SEC31B: variants seen among roughly 807,000 people sequenced by gnomAD.
SEC31B encodes the protein SEC31 homolog B, COPII component.
SEC31B carries 113 observed loss-of-function variants against 135.0 expected under a neutral mutation model. That is an observed-to-expected ratio of 0.84 (90% CI 0.72 to 0.98). SEC31B has a LOEUF of 0.98. Among genes scored for constraint, SEC31B ranks in the 50% least tolerant of loss-of-function variants. SEC31B has a pLI of 0.00. For synonymous variants in SEC31B, 508 were observed against 549.4 expected (o/e 0.92, Z 1.05); for missense variants, 1,296 against 1,421.1 (o/e 0.91, Z 1.42).
chr10:100,489,604 A>T, intron 22 of SEC31B, 99 bp downstream of exon 22: 1 of 1,549,660 alleles, frequency 6.5e-7, no homozygotes, highest in Non-Finnish European at 8.9e-7. Flanking sequence ...GAGGGCGGGG[A>T]CAGTCTGAGA....
intron 23 of SEC31B, 120 bp downstream of exon 23, chr10:100,489,132 G>A: frequency 7.0e-7 from 1 of 1,438,276 alleles, no homozygotes; most frequent in South Asian, 1.5e-5. Flanking sequence ...AAGGACACCT[G>A]GTACCTGCCC....
chr10:100,507,886 T>C, intron 6 of SEC31B, 22 bp downstream of exon 6: 1 of 1,614,042 alleles, frequency 6.2e-7, no homozygotes, highest in African/African-American at 1.3e-5. Flanking sequence ...CCCAAGCCTG[T>C]GTTCTGGCCT....
rs776755430 is a variant in SEC31B, at chr10:100,516,173, T to C, written c.126A>G (p.Thr42=). ...TGAAATCAACCTCAAATATTTCCAA[T>C]GTGCCATTTGTGCTGAAGGAGGAAT... The part of the protein sequence containing the change: ...QLDSSFSTNG[T]LEIFEVDFRD... Residue 42 remains threonine (T), a synonymous_variant, in exon 3 of 26, where the codon ACA becomes ACG. Coordinates refer to ENST00000370345, the MANE Select transcript of SEC31B (RefSeq NM_015490.4). 1 of 1,614,028 alleles carries C rather than the reference T, an allele frequency of 6.2e-7. No individual in the cohort carries two copies. The highest frequency in any genetic ancestry group is 1.1e-5 in the South Asian group (1 of 91,038).
chr10:100,509,875 T>TA (rs919593139), intron 3 of SEC31B, among the ~76,000 whole-genome samples: 63 of 152,316 alleles, frequency 4.1e-4, no homozygotes, highest in African/African-American at 1.5e-3. Context: ...AGTCAGGTAA[T>TA]AATAGCAACC....
Position 100,496,247 on chromosome 10 carries a change from GC to G in SEC31B, c.2310+10del. On this transcript the variant is annotated intron_variant, in intron 18 of 25. Coordinates refer to ENST00000370345, the MANE Select transcript of SEC31B (RefSeq NM_015490.4). ...TGAAATGGTTTGCTCTCTCCACATG[GC>G]CCCACTTACCTGAGCACAGTCCCTG... The G allele has an allele frequency of 6.2e-7, 1 of 1,613,172 alleles. No individual in the cohort carries two copies. The highest frequency in any genetic ancestry group is 8.5e-7 in the Non-Finnish European group (1 of 1,179,384).
At chr10:100,488,228 G>A in intron 24 of SEC31B, 130 bp from the exon 25 acceptor site, 1 of 749,746 alleles carries the variant, frequency 1.3e-6, no homozygotes, top group Non-Finnish European at 2.3e-6. Flanking sequence ...GGGAGGCCAA[G>A]GCGGGTGGAT....
In SEC31B at chr10:100,499,252, T is replaced by C. The variant is rs571312370; in HGVS notation, c.1492A>G (p.Thr498Ala). 1.2e-6 allele frequency: 2 copies of C among 1,611,936 alleles called. No homozygotes were observed. Among genetic ancestry groups the C allele is most frequent in the East Asian group, 4.5e-5 (2 of 44,834 alleles). Residue 498 changes from threonine to alanine, a missense_variant, in exon 13 of 26, where the codon ACA (threonine) becomes GCA (alanine). Coordinates refer to ENST00000370345, the MANE Select transcript of SEC31B (RefSeq NM_015490.4). ...SKDELQKKVA[T>A]WLKSDVGLGE... ...AGCCCCACGTCACTCTTCAACCATGTGGCCACCTGCAGGGAGAGACCTCTG... is the reference window on the plus strand; with the variant it reads ...AGCCCCACGTCACTCTTCAACCATGCGGCCACCTGCAGGGAGAGACCTCTG...
Position 100,487,784 on chromosome 10 carries a change from AT to A in SEC31B, c.3371del (p.His1124LeufsTer44). On this transcript the variant is annotated frameshift_variant, in exon 26 of 26. Transcript: ENST00000370345. LOFTEE classifies it high-confidence loss of function. Reference protein sequence around the residue: ...EKLCEGTLSPHVVAGLHEVAR... With the variant: ...EKLCEGTLSPXVVAGLHEVAR... ...CAACCTCATGGAGCCCAGCCACGAC[AT>A]GAGGTGAGAGCTGTGGAGGGAATGA... 1 of 1,614,036 alleles carries A rather than the reference AT, an allele frequency of 6.2e-7. No individual in the cohort carries two copies. Among genetic ancestry groups the A allele is most frequent in the Non-Finnish European group, 8.5e-7 (1 of 1,179,992 alleles).
Position 100,509,460 on chromosome 10 carries a change from G to T in SEC31B, c.255C>A (p.Ser85=). 3.1e-6 allele frequency: 5 copies of T among 1,613,986 alleles called. No homozygotes were observed. The highest frequency in any genetic ancestry group is 4.2e-6 in the Non-Finnish European group (5 of 1,179,982). The part of the protein sequence containing the change: ...GSFGSGLLES[S]GVIVGGGDNG... ...TGTCCCCGCCGCCAACAATAACCCC[G>T]GAGCTTTCCAGAAGCCCACTGCCAA... The change falls in exon 4 of 26, where the codon TCC becomes TCA. Residue 85 remains serine (S), a synonymous_variant. Coordinates refer to ENST00000370345, the MANE Select transcript of SEC31B (RefSeq NM_015490.4).
At position 100,511,113 on chromosome 10, in the gene SEC31B, A is replaced by G. The variant is rs74766280; in HGVS notation, c.204-1602T>C. Among the ~76,000 whole-genome samples the G allele has an allele frequency of 7.4e-3, 1,126 of 152,366 alleles. 12 individuals are homozygous for G. Among genetic ancestry groups the G allele is most frequent in the African/African-American group, 0.025 (1,060 of 41,584 alleles). On this transcript the variant is annotated intron_variant, in intron 3 of 25. Coordinates refer to ENST00000370345, the MANE Select transcript of SEC31B (RefSeq NM_015490.4). ...TGAGACCTCAAGGGGGAGTCACCAA[A>G]GGGCTGGAAAAGAGGGCAGTTACTT...
At chr10:100,497,393 G>C in intron 16 of SEC31B, 113 bp from the exon 17 acceptor site, 1 of 1,533,820 alleles carries the variant, frequency 6.5e-7, no homozygotes, top group South Asian at 1.2e-5. Flanking sequence ...TGCAGTTTAA[G>C]ACAACACTGA....
rs771837967 is a variant in SEC31B at position 100,506,414 on chromosome 10, G to A, written c.789C>T (p.Ile263=). 1 of 1,614,080 alleles carries A rather than the reference G, an allele frequency of 6.2e-7. No individual in the cohort carries two copies. Among genetic ancestry groups the A allele is most frequent in the East Asian group, 2.2e-5 (1 of 44,880 alleles). The change falls in exon 8 of 26, where the codon ATC becomes ATT. Residue 263 remains isoleucine (I), a synonymous_variant. Coordinates refer to ENST00000370345, the MANE Select transcript of SEC31B (RefSeq NM_015490.4). The stretch of plus-strand genomic sequence containing the variant: ...CAGCCTGGCTCCATGACACTGACAA[G>A]ATCCCCCTAAAAAGAGAAGGGAAGA... ...LKVLESHSRG[I]LSVSWSQADA... is the part of the protein sequence containing the mutation.
Position 100,497,668 on chromosome 10 carries a change from A to G in SEC31B, c.1989T>C (p.Cys663=). ...YSGTEKFPEL[C]DMLGTRMEQE... The stretch of plus-strand genomic sequence containing the variant: ...CCTGAAGCCTGGGACCACACTTACC[A>G]CAGAGCTCGGGAAATTTCTCTGTGC... Residue 663 remains cysteine, a splice_region_variant and synonymous_variant, in exon 16 of 26, where the codon TGT becomes TGC. Coordinates refer to ENST00000370345, the MANE Select transcript of SEC31B (RefSeq NM_015490.4). 6.2e-7 allele frequency: 1 copy of G among 1,614,092 alleles called. No individual in the cohort carries two copies. Among genetic ancestry groups the G allele is most frequent in the Middle Eastern group, 1.6e-4 (1 of 6,062 alleles).
chr10:100,490,800 A>T lies in SEC31B; in HGVS notation c.2556T>A (p.Pro852=), dbSNP rs764945657. 9 of 1,610,852 alleles carry T rather than the reference A, an allele frequency of 5.6e-6. No homozygotes were observed. The highest frequency in any genetic ancestry group is 1.7e-5 in the Admixed American group (1 of 59,936). Residue 852 remains proline (P), a synonymous_variant, in exon 20 of 26, where the codon CCT becomes CCA. Transcript: ENST00000370345. The part of the protein sequence containing the change: ...AMPLAPSHPS[P]YQGPRTQNIS... Reference sequence around the variant, plus strand: ...TATTCTGTGTCCTGGGACCCTGATAAGGGCTAGGATGGGAAGGTGCCAAGG... The same window carrying T: ...TATTCTGTGTCCTGGGACCCTGATATGGGCTAGGATGGGAAGGTGCCAAGG...
intron 22 of SEC31B, 55 bp downstream of exon 22, chr10:100,489,648 A>G: frequency 6.2e-7 from 1 of 1,612,390 alleles, no homozygotes; most frequent in African/African-American, 1.3e-5. Flanking sequence ...CCAAGGAATT[A>G]GAACGTGGTC....
intron 11 of SEC31B, among the ~76,000 whole-genome samples, chr10:100,501,111 G>A (rs905190114): frequency 2.0e-5 from 3 of 151,870 alleles, no homozygotes; most frequent in Admixed American, 6.6e-5. Flanking sequence ...CAGGCGTGGT[G>A]GCAGGTGCCT....
chr10:100,506,509 C>T (rs1020689069), intron 7 of SEC31B, 89 bp from the exon 8 acceptor site: 15 of 1,025,998 alleles, frequency 1.5e-5, no homozygotes, highest in Non-Finnish European at 2.2e-5. Context: ...TTTTATAGGG[C>T]ATATCAGACC....
chr10:100,492,556 G>A (rs1332893127), intron 19 of SEC31B, among the ~76,000 whole-genome samples: 1 of 152,152 alleles, frequency 6.6e-6, no homozygotes, highest in African/African-American at 2.4e-5. Flanking sequence ...GAGACTGGAA[G>A]TCCTAGTCAC....
chr10:100,519,598 A>G (rs1252689155), intron 1 of SEC31B, among the ~76,000 whole-genome samples, 184 bp downstream of exon 1: 1 of 152,228 alleles, frequency 6.6e-6, no homozygotes, highest in Non-Finnish European at 1.5e-5. Context: ...GTAGAGCCGG[A>G]TCCAATTCAA....
Sources: gnomAD v4.1 joint callset for allele counts (sites outside exome capture counted in the v4.1 genomes callset) on GRCh38, gnomAD v4.1.1 for gene constraint, MANE v1.5 for transcripts, NCBI Gene and HGNC (gene_info 2026-07-23, HGNC 2026-07-21) for gene names.